The following HINT3 variants were observed in gnomAD, a reference collection of about 807,000 sequenced individuals.
The protein encoded by HINT3 is histidine triad nucleotide binding protein 3, also known as adenosine 5'-monophosphoramidase HINT3.
A neutral mutation model predicts 19.1 loss-of-function variants in HINT3; 16 were observed. That is an observed-to-expected ratio of 0.84 (90% CI 0.57 to 1.27). HINT3 has a LOEUF of 1.27. Ranked by LOEUF, HINT3 falls within the 50% of genes most tolerant of loss-of-function variation. HINT3 has a pLI of 0.00. For missense variants in HINT3, 197 were observed against 225.8 expected (o/e 0.87, Z 0.82); for synonymous variants, 75 against 84.8 (o/e 0.88, Z 0.63).
At chr6:125,975,011 T>C in intron 4 of HINT3, 38 bp downstream of exon 4, 1 of 1,597,720 alleles carries the variant, frequency 6.3e-7, no homozygotes, top group East Asian at 2.2e-5. Context: ...TACAAAAATA[T>C]TTAAAATATC....
At chr6:125,960,304 T>C (rs183409529) in intron 1 of HINT3, among the ~76,000 whole-genome samples, 1 of 152,334 alleles carries the variant, frequency 6.6e-6, no homozygotes, top group Admixed American at 6.5e-5. Flanking sequence ...TAGGCAGTTG[T>C]ATTGACCCAG....
intron 2 of HINT3, among the ~76,000 whole-genome samples, chr6:125,969,313 G>C (rs1023478529): frequency 6.6e-6 from 1 of 152,212 alleles, no homozygotes; most frequent in South Asian, 2.1e-4. Flanking sequence ...TCAGATGGCT[G>C]CAGGTATGTG....
At chr6:125,959,471 C>T (rs2128710330) in intron 1 of HINT3, among the ~76,000 whole-genome samples, 1 of 152,308 alleles carries the variant, frequency 6.6e-6, no homozygotes, top group Non-Finnish European at 1.5e-5. Flanking sequence ...GGTTAGATGA[C>T]CCTTGTATGT....
chr6:125,971,578 A>G (rs1050529122), intron 2 of HINT3, among the ~76,000 whole-genome samples: 1 of 152,008 alleles, frequency 6.6e-6, no homozygotes, highest in African/African-American at 2.4e-5. Context: ...TCTGTTACCT[A>G]GACCTGAGTG....
At position 125,979,076 on chromosome 6, in the gene HINT3, A is replaced by C. The variant is rs1789213780; in HGVS notation, c.*1400A>C. On this transcript the variant is annotated 3_prime_UTR_variant, in exon 5 of 5. Transcript: ENST00000229633. ...ACTTCTGAGAGTGGGTGGTAGTAGA[A>C]CTGAGTATTCAAGACTGAATGTTAG... is the stretch of plus-strand genomic sequence containing the variant. 1 of 152,196 alleles carries C rather than the reference A, an allele frequency of 6.6e-6. No homozygotes were observed. Among genetic ancestry groups the C allele is most frequent in the African/African-American group, 2.4e-5 (1 of 41,448 alleles). 9.4% of individuals were successfully genotyped at this position (152,196 alleles called of 1,614,324 possible).
chr6:125,971,240 G>A (rs1789093135), intron 2 of HINT3, among the ~76,000 whole-genome samples: 1 of 152,186 alleles, frequency 6.6e-6, no homozygotes, highest in South Asian at 2.1e-4. Flanking sequence ...TTTTTGGCTA[G>A]TCAAGGATAG....
chr6:125,974,388 T>G (rs1026463552), intron 3 of HINT3, among the ~76,000 whole-genome samples: 6 of 151,862 alleles, frequency 4.0e-5, no homozygotes, highest in African/African-American at 1.2e-4. Flanking sequence ...GAAATATTGT[T>G]GGTTTGGTGG....
At chr6:125,964,376 C>T (rs557887905) in intron 1 of HINT3, among the ~76,000 whole-genome samples, 35 of 139,940 alleles carry the variant, frequency 2.5e-4, no homozygotes, top group African/African-American at 9.0e-4. Flanking sequence ...AGCATCCATT[C>T]TCTTGTCATC....
chr6:125,959,290 A>G (rs986553201), intron 1 of HINT3, among the ~76,000 whole-genome samples: 1 of 152,226 alleles, frequency 6.6e-6, no homozygotes, highest in Non-Finnish European at 1.5e-5. Context: ...ACTCTGAAGA[A>G]CACTAACATC....
intron 4 of HINT3, among the ~76,000 whole-genome samples, chr6:125,975,602 A>G (rs1562215685): frequency 2.3e-5 from 3 of 127,762 alleles, no homozygotes; most frequent in African/African-American, 3.2e-5. Context: ...TTTTTTTGAG[A>G]CAGTCTCACT....
Position 125,956,943 on chromosome 6 carries a change from G to A in HINT3, c.-35G>A. 6.5e-7 allele frequency: 1 copy of A among 1,542,916 alleles called. No homozygotes were observed. Among genetic ancestry groups the A allele is most frequent in the Non-Finnish European group, 8.8e-7 (1 of 1,142,804 alleles). On this transcript the variant is annotated 5_prime_UTR_variant, in exon 1 of 5. Coordinates refer to ENST00000229633, the MANE Select transcript of HINT3 (RefSeq NM_138571.5). ...ACTGCGCGGGCCCGGTAGCCCTGGA[G>A]AGGCCGAGGCTCTAGGCCGCGAGGG... is the stretch of plus-strand genomic sequence containing the variant.
rs1274340685 is a variant in HINT3, at chr6:125,977,756, T to C, written c.*80T>C. On this transcript the variant is annotated 3_prime_UTR_variant, in exon 5 of 5. Transcript: ENST00000229633. ...AGGTCCCTTTTAAGTCTAATTGCAATTTTAAGATTTGTTGGGTTTTATGAG... is the reference window on the plus strand; with the variant it reads ...AGGTCCCTTTTAAGTCTAATTGCAACTTTAAGATTTGTTGGGTTTTATGAG... The C allele has an allele frequency of 1.2e-5, 9 of 776,940 alleles. No homozygotes were observed. The Admixed American group carries it at 2.6e-4, about 22-fold the overall frequency. The allele number at this position is 776,940 out of a possible 1,614,324, so 48.1% of individuals were successfully genotyped here.
intron 1 of HINT3, among the ~76,000 whole-genome samples, chr6:125,965,242 T>C (rs1789000968): frequency 6.6e-6 from 1 of 152,218 alleles, no homozygotes; most frequent in African/African-American, 2.4e-5. Context: ...TGGCACTTGC[T>C]AGTTCTGTTA....
rs1788840508 is a variant in HINT3 at position 125,956,878 on chromosome 6, G to A, written c.-100G>A. On this transcript the variant is annotated 5_prime_UTR_variant, in exon 1 of 5. Coordinates refer to ENST00000229633, the MANE Select transcript of HINT3 (RefSeq NM_138571.5). ...CACCGCCCAGCGTCAGGCGAGGGGCGACGTCTCGAGGTAAAACGGAGGAGG... is the reference window on the plus strand; with the variant it reads ...CACCGCCCAGCGTCAGGCGAGGGGCAACGTCTCGAGGTAAAACGGAGGAGG... 18 of 1,209,670 alleles carry A rather than the reference G, an allele frequency of 1.5e-5. No individual in the cohort carries two copies. The highest frequency in any genetic ancestry group is 2.3e-5 in the Admixed American group (1 of 43,720). The allele number at this position is 1,209,670 out of a possible 1,614,324, so 74.9% of individuals were successfully genotyped here.
chr6:125,977,689 T>G lies in HINT3; in HGVS notation c.*13T>G. 6.7e-7 allele frequency: 1 copy of G among 1,487,576 alleles called. No individual in the cohort carries two copies. The highest frequency in any genetic ancestry group is 1.3e-5 in the South Asian group (1 of 77,998). The allele number at this position is 1,487,576 out of a possible 1,614,324, so 92.1% of individuals were successfully genotyped here. A position where few individuals can be genotyped will look rare whatever the true frequency, so the allele number is the denominator to read the frequency against. The stretch of plus-strand genomic sequence containing the variant: ...ACTAAGAACATGAAAATGTCAAGAG[T>G]GGAAGATTTTTCTAATCTTGGTTCA... On this transcript the variant is annotated 3_prime_UTR_variant, in exon 5 of 5. Transcript: ENST00000229633.
chr6:125,964,187 A>G (rs17053722), intron 1 of HINT3, among the ~76,000 whole-genome samples: 12,249 of 152,214 alleles, frequency 0.08, 1,563 homozygotes, highest in African/African-American at 0.27. Context: ...GTCACTTGAA[A>G]TCATTCTCTT....
At chr6:125,959,911 T>G (rs1788893139) in intron 1 of HINT3, among the ~76,000 whole-genome samples, 1 of 152,204 alleles carries the variant, frequency 6.6e-6, no homozygotes, top group Non-Finnish European at 1.5e-5. Flanking sequence ...TCCTTGCCCT[T>G]GTGGAGCTCA....
At chr6:125,968,245 A>G (rs563048356) in intron 2 of HINT3, among the ~76,000 whole-genome samples, 2 of 152,252 alleles carry the variant, frequency 1.3e-5, no homozygotes, top group Admixed American at 6.5e-5. Context: ...CCCTCTCCTT[A>G]TAAGTGGGAA....
intron 4 of HINT3, among the ~76,000 whole-genome samples, chr6:125,975,765 A>G (rs192425654): frequency 1.6e-3 from 247 of 152,080 alleles, no homozygotes; most frequent in Middle Eastern, 6.8e-3. Flanking sequence ...TTTATTAGAG[A>G]TGGGGTTTCA....
Sources: allele counts gnomAD v4.1 joint callset (sites outside exome capture counted in the v4.1 genomes callset), GRCh38; gene constraint gnomAD v4.1.1; transcripts MANE v1.5; gene names NCBI Gene and HGNC (gene_info 2026-07-23, HGNC 2026-07-21).